FAM234B: variants seen among roughly 807,000 people sequenced by gnomAD.
The protein encoded by FAM234B is protein FAM234B.
A neutral mutation model predicts 69.3 loss-of-function variants in FAM234B; 33 were observed. The observed-to-expected ratio is 0.48, with a 90% CI of 0.36 to 0.64. The LOEUF is 0.64. Ranked by LOEUF, FAM234B falls within the 30% of genes least tolerant of loss-of-function variation. FAM234B has a pLI of 0.00. For missense variants in FAM234B, 697 were observed against 769.7 expected, an observed-to-expected ratio of 0.91 and a Z score of 1.12; for synonymous variants, 306 against 306.9, an observed-to-expected ratio of 1.00 and a Z score of 0.03.
At chr12:13,045,508 T>C (rs985051317) in intron 1 of FAM234B, among the ~76,000 whole-genome samples, 1 of 152,210 alleles carries the variant, frequency 6.6e-6, no homozygotes, top group East Asian at 1.9e-4. Flanking sequence ...ACAGGGTCCT[T>C]GTTCTCAAGG....
At chr12:13,071,195 T>A in intron 9 of FAM234B, 46 bp from the exon 10 acceptor site, 2 of 1,603,042 alleles carry the variant, frequency 1.2e-6, no homozygotes, top group Non-Finnish European at 1.7e-6. Context: ...GGCCTGCTGC[T>A]TTTTTGAGGC....
Position 13,079,771 on chromosome 12 carries a change from G to A in FAM234B, c.1643-18G>A. ...GTATGTGTCCATGTTAACTGCTCTT[G>A]TTTTTGTCCTTCCTCAGTTGGAATT... is the stretch of plus-strand genomic sequence containing the variant. On this transcript the variant is annotated intron_variant, in intron 11 of 12. Transcript: ENST00000197268. The A allele has an allele frequency of 6.4e-7, 1 of 1,554,552 alleles. No homozygotes were observed. Among genetic ancestry groups the A allele is most frequent in the Middle Eastern group, 1.7e-4 (1 of 5,916 alleles).
At chr12:13,045,371 A>G (rs564981940) in intron 1 of FAM234B, among the ~76,000 whole-genome samples, 2 of 152,360 alleles carry the variant, frequency 1.3e-5, no homozygotes, top group Non-Finnish European at 2.9e-5. Flanking sequence ...AGTTTTAAGC[A>G]TTAAGCTATA....
chr12:13,045,194 C>T (rs1864793849), intron 1 of FAM234B, among the ~76,000 whole-genome samples: 1 of 150,200 alleles, frequency 6.7e-6, no homozygotes, highest in Non-Finnish European at 1.5e-5. Flanking sequence ...TTCAGTACTT[C>T]GGGCAGCAGC....
chr12:13,050,885 G>A (rs1292388367), intron 1 of FAM234B, among the ~76,000 whole-genome samples: 2 of 152,124 alleles, frequency 1.3e-5, no homozygotes, highest in African/African-American at 4.8e-5. Context: ...TATTAATTCT[G>A]TGAACTCTGC....
intron 9 of FAM234B, among the ~76,000 whole-genome samples, chr12:13,069,285 A>G (rs1407997284): frequency 6.6e-6 from 1 of 152,122 alleles, no homozygotes; most frequent in Non-Finnish European, 1.5e-5. Flanking sequence ...TGGATGGATG[A>G]CTTTCATTTC....
intron 2 of FAM234B, among the ~76,000 whole-genome samples, chr12:13,057,445 A>T (rs187948175): frequency 6.7e-6 from 1 of 148,568 alleles, no homozygotes; most frequent in Non-Finnish European, 1.5e-5. Context: ...CCTTTAAGTA[A>T]TGCTTCCAGT....
At chr12:13,059,317 G>C (rs1290736493) in intron 3 of FAM234B, among the ~76,000 whole-genome samples, 2 of 152,194 alleles carry the variant, frequency 1.3e-5, no homozygotes. Flanking sequence ...CTTTGTTGGG[G>C]AGCCTAACAG....
intron 10 of FAM234B, among the ~76,000 whole-genome samples, chr12:13,074,197 T>C (rs983760244): frequency 2.6e-5 from 4 of 152,232 alleles, no homozygotes; most frequent in African/African-American, 9.6e-5. Context: ...TTGCATAGTT[T>C]TTTCATAATC....
At chr12:13,077,952 A>G (rs2120510237) in intron 11 of FAM234B, among the ~76,000 whole-genome samples, 1 of 151,738 alleles carries the variant, frequency 6.6e-6, no homozygotes, top group Non-Finnish European at 1.5e-5. Context: ...CTTTTTAATG[A>G]TTGCCATTCT....
At position 13,079,853 on chromosome 12, in the gene FAM234B, A is replaced by G; in HGVS notation, c.1707A>G (p.Glu569=). 6.2e-7 allele frequency: 1 copy of G among 1,613,938 alleles called. No homozygotes were observed. The highest frequency in any genetic ancestry group is 8.5e-7 in the Non-Finnish European group (1 of 1,179,952). ...YVTRTTGPSS[E]GHPAALVVSK... ...CCAGGACAACAGGGCCAAGCTCCGAAGGCCATCCAGCAGCCCTGGTGGTCA... is the reference window on the plus strand; with the variant it reads ...CCAGGACAACAGGGCCAAGCTCCGAGGGCCATCCAGCAGCCCTGGTGGTCA... Residue 569 remains glutamate, a synonymous_variant, in exon 12 of 13, where the codon GAA becomes GAG. Transcript: ENST00000197268.
At chr12:13,051,950 A>G (rs1013950846) in intron 1 of FAM234B, among the ~76,000 whole-genome samples, 7 of 152,234 alleles carry the variant, frequency 4.6e-5, no homozygotes, top group Non-Finnish European at 1.0e-4. Context: ...AAAAAGAATA[A>G]TTATTCCATT....
intron 11 of FAM234B, among the ~76,000 whole-genome samples, chr12:13,079,360 C>G (rs1865198397): frequency 6.6e-6 from 1 of 152,184 alleles, no homozygotes; most frequent in African/African-American, 2.4e-5. Flanking sequence ...AAACTGGATC[C>G]CTTCCTTACA....
intron 10 of FAM234B, among the ~76,000 whole-genome samples, chr12:13,072,856 A>C (rs185644267): frequency 7.9e-4 from 120 of 152,262 alleles, no homozygotes; most frequent in African/African-American, 2.8e-3. Flanking sequence ...GCGTTTCATC[A>C]TGTCAATGCA....
chr12:13,079,071 C>T (rs577299956), intron 11 of FAM234B, among the ~76,000 whole-genome samples: 93 of 152,152 alleles, frequency 6.1e-4, no homozygotes, highest in Admixed American at 4.9e-3. Context: ...AAAAAGAGCC[C>T]GTATCACCAA....
At chr12:13,057,580 G>T (rs1864944350) in intron 2 of FAM234B, among the ~76,000 whole-genome samples, 1 of 151,962 alleles carries the variant, frequency 6.6e-6, no homozygotes, top group Non-Finnish European at 1.5e-5. Flanking sequence ...CATACCATAG[G>T]GTGTGTGCAT....
At position 13,080,747 on chromosome 12, in the gene FAM234B, C is replaced by G; in HGVS notation, c.*117C>G. 1.2e-6 allele frequency: 1 copy of G among 860,126 alleles called. No homozygotes were observed. The highest frequency in any genetic ancestry group is 2.2e-4 in the Middle Eastern group (1 of 4,478). The allele number at this position is 860,126 out of a possible 1,614,324, so 53.3% of individuals were successfully genotyped here. On this transcript the variant is annotated 3_prime_UTR_variant, in exon 13 of 13. Coordinates refer to ENST00000197268, the MANE Select transcript of FAM234B (RefSeq NM_020853.2). Reference sequence around the variant, plus strand: ...ACTTCTTCGTCCTCATTTACCACCTCCCTGATGGTTGCAAAGGCTTGGGAA... The same window carrying G: ...ACTTCTTCGTCCTCATTTACCACCTGCCTGATGGTTGCAAAGGCTTGGGAA...
At chr12:13,071,021 C>T (rs993979937) in intron 9 of FAM234B, among the ~76,000 whole-genome samples, 2 of 152,182 alleles carry the variant, frequency 1.3e-5, no homozygotes, top group African/African-American at 2.4e-5. Context: ...CTTTGCAGTT[C>T]TTGAAATCTA....
chr12:13,059,153 G>T (rs549311344), intron 3 of FAM234B, among the ~76,000 whole-genome samples: 118 of 152,292 alleles, frequency 7.7e-4, no homozygotes, highest in Non-Finnish European at 1.5e-3. Context: ...GTAAGAGTGT[G>T]AGGGGAGGTA....
Sources: allele counts gnomAD v4.1 joint callset (sites outside exome capture counted in the v4.1 genomes callset), GRCh38; gene constraint gnomAD v4.1.1; transcripts MANE v1.5; gene names NCBI Gene and HGNC (gene_info 2026-07-23, HGNC 2026-07-21).